The following SLC22A16 variants were observed in gnomAD, a reference collection of about 807,000 sequenced individuals.
The protein encoded by SLC22A16 is solute carrier family 22 member 16.
A neutral mutation model predicts 52.9 loss-of-function variants in SLC22A16; 53 were observed. The ratio of observed to expected loss-of-function variants is 1.00; its 90% CI spans 0.80 to 1.26. The LOEUF (loss-of-function observed/expected upper bound fraction) is 1.26, where lower values mean the gene tolerates loss of function less well. Among genes scored for constraint, SLC22A16 ranks in the 50% most tolerant of loss-of-function variants. The pLI is 0.00. For synonymous variants in SLC22A16, 291 were observed against 268.8 expected (o/e 1.08, Z -0.81); for missense variants, 726 against 704.0 (o/e 1.03, Z -0.35).
chr6:110,454,030 T>TAA (rs1775486025), intron 2 of SLC22A16, among the ~76,000 whole-genome samples: 1 of 152,182 alleles, frequency 6.6e-6, no homozygotes, highest in African/African-American at 2.4e-5. Flanking sequence ...CTCACTGCCA[T>TAA]GAGAACAGCA....
chr6:110,451,784 A>AT (rs1006374939), intron 2 of SLC22A16, among the ~76,000 whole-genome samples: 9 of 152,052 alleles, frequency 5.9e-5, no homozygotes, highest in African/African-American at 1.9e-4. Flanking sequence ...AAATTTATCC[A>AT]TTTTTTCTTT....
rs532431785 is a variant in SLC22A16 at position 110,438,236 on chromosome 6, G to C, written c.1311+484C>G. 2.6e-5 allele frequency among the ~76,000 whole-genome samples: 4 copies of C among 152,358 alleles called. 1 individual carries two copies. The South Asian group carries it at 8.3e-4, about 32-fold the overall frequency. On this transcript the variant is annotated intron_variant, in intron 5 of 7. Transcript: ENST00000368919. ...ATGTTCAGTATGATGATGCTGGAAG[G>C]TGTGATCGACTTTCCTCACACAAGA...
At chr6:110,445,642 C>G (rs751970498) in intron 3 of SLC22A16, among the ~76,000 whole-genome samples, 1 of 152,166 alleles carries the variant, frequency 6.6e-6, no homozygotes, top group Non-Finnish European at 1.5e-5. Context: ...TGGGTGTGGC[C>G]TTGTTTCCTT....
intron 3 of SLC22A16, among the ~76,000 whole-genome samples, chr6:110,444,101 T>A (rs1288422268): frequency 6.6e-6 from 1 of 152,172 alleles, no homozygotes; most frequent in East Asian, 1.9e-4. Flanking sequence ...CACTTAAAAA[T>A]GGTTAGGATG....
At chr6:110,427,885 C>T (rs776653665) in intron 7 of SLC22A16, among the ~76,000 whole-genome samples, 8 of 152,204 alleles carry the variant, frequency 5.3e-5, no homozygotes, top group Non-Finnish European at 1.0e-4. Flanking sequence ...CCCTTCTCTT[C>T]GGGACTGGTG....
chr6:110,472,947 G>A (rs1776309662), intron 1 of SLC22A16, among the ~76,000 whole-genome samples: 1 of 152,146 alleles, frequency 6.6e-6, no homozygotes, highest in African/African-American at 2.4e-5. Context: ...AAGCATAACT[G>A]GTGGAGTCCA....
chr6:110,443,668 C>G (rs1266433967), intron 3 of SLC22A16, among the ~76,000 whole-genome samples: 1 of 152,138 alleles, frequency 6.6e-6, no homozygotes, highest in East Asian at 1.9e-4. Context: ...TCCAGCAATT[C>G]CACCTTTGAG....
chr6:110,427,270 A>AAAAG (rs142029320), intron 7 of SLC22A16, among the ~76,000 whole-genome samples: 6,874 of 139,148 alleles, frequency 0.049, 475 homozygotes, highest in African/African-American at 0.16. Context: ...AAAAAGAAAA[A>AAAAG]AAAGAAAGAA....
Position 110,460,467 on chromosome 6 carries a change from C to T in SLC22A16, c.54-3450G>A, listed in dbSNP as rs1775826348. The stretch of plus-strand genomic sequence containing the variant: ...GGCCCCTGGGGAGCCTGGAGTCTTA[C>T]AGAAAGGGTGGATAGGGGTGCATCC... On this transcript the variant is annotated intron_variant, in intron 1 of 7. Coordinates refer to ENST00000368919, the MANE Select transcript of SLC22A16 (RefSeq NM_033125.4). 1.3e-5 allele frequency among the ~76,000 whole-genome samples: 2 copies of T among 152,084 alleles called. 1 individual carries two copies. Among genetic ancestry groups the T allele is most frequent in the South Asian group, 4.1e-4 (2 of 4,830 alleles).
rs750711233 is a variant in SLC22A16 at position 110,456,683 on chromosome 6, T to C, written c.388A>G (p.Ile130Val). 2.5e-6 allele frequency: 4 copies of C among 1,614,186 alleles called. No individual in the cohort carries two copies. The East Asian group carries it at 8.9e-5, about 36-fold the overall frequency. ...CTTTTCCATGTGTTCTGGTCATATA[T>C]GTAGCCATCCACACAAGGAAACTCT... ...KKEFPCVDGY[I>V]YDQNTWKSTA... is the part of the protein sequence containing the mutation. Residue 130 changes from isoleucine to valine, a missense_variant, in exon 2 of 8, where the codon ATA (isoleucine) becomes GTA (valine). Coordinates refer to ENST00000368919, the MANE Select transcript of SLC22A16 (RefSeq NM_033125.4).
At chr6:110,431,746 T>A (rs1774515441) in intron 6 of SLC22A16, among the ~76,000 whole-genome samples, 1 of 152,208 alleles carries the variant, frequency 6.6e-6, no homozygotes, top group African/African-American at 2.4e-5. Context: ...TTACTTAAAT[T>A]TTTCAAGAAT....
At position 110,446,856 on chromosome 6, in the gene SLC22A16, T is replaced by C. The variant is rs1406482059; in HGVS notation, c.651+17A>G. On this transcript the variant is annotated intron_variant, in intron 3 of 7. Transcript: ENST00000368919. ...AAAAACTGCAGCAGAATTAAAGAAG[T>C]AAAAAACACAACTCACCATGGCAAG... The C allele has an allele frequency of 6.3e-7, 1 of 1,592,574 alleles. No homozygotes were observed. Among genetic ancestry groups the C allele is most frequent in the Admixed American group, 1.8e-5 (1 of 55,412 alleles).
At chr6:110,445,433 G>C (rs552582396) in intron 3 of SLC22A16, among the ~76,000 whole-genome samples, 3 of 152,098 alleles carry the variant, frequency 2.0e-5, no homozygotes, top group Non-Finnish European at 4.4e-5. Flanking sequence ...TCAACGTCTT[G>C]CCTTTCCTAC....
intron 3 of SLC22A16, 95 bp from the exon 4 acceptor site, chr6:110,442,870 A>C: frequency 8.8e-7 from 1 of 1,133,232 alleles, no homozygotes; most frequent in Non-Finnish European, 1.2e-6. Flanking sequence ...GCAAAAAAGA[A>C]AATGACAAAG....
chr6:110,476,209 GATCTCCAGCCA>G (rs199541967), intron 1 of SLC22A16: 597,876 of 711,300 alleles, frequency 0.84, 254,536 homozygotes, highest in Middle Eastern at 0.88. Flanking sequence ...CCTCGAGCCA[GATCTCCAGCCA>G]GATGCCTCCA....
At chr6:110,459,591 A>G (rs1317849167) in intron 1 of SLC22A16, among the ~76,000 whole-genome samples, 1 of 152,216 alleles carries the variant, frequency 6.6e-6, no homozygotes, top group East Asian at 1.9e-4. Context: ...ATCCCGGAAC[A>G]GGAAGAGGAC....
In SLC22A16 at chr6:110,456,772, C is replaced by T; in HGVS notation, c.299G>A (p.Arg100Lys). 1 of 1,614,162 alleles carries T rather than the reference C, an allele frequency of 6.2e-7. No individual in the cohort carries two copies. Among genetic ancestry groups the T allele is most frequent in the Non-Finnish European group, 8.5e-7 (1 of 1,180,028 alleles). Residue 100 changes from arginine (R) to lysine (K), a missense_variant, in exon 2 of 8, where the codon AGG (arginine) becomes AAG (lysine). Transcript: ENST00000368919. ...LQNGEIWELS[R>K]CSRNKRENTS... ...GTTCTCCCTCTTATTCCTGCTACAC[C>T]TTGAGAGCTCCCAGATCTCACCATT...
intron 4 of SLC22A16, 112 bp downstream of exon 4, chr6:110,442,132 A>T: frequency 1.0e-6 from 1 of 991,884 alleles, no homozygotes. Context: ...CTGGTTTTAA[A>T]GGGCCTATTA....
chr6:110,430,877 G>C (rs1774470025), intron 7 of SLC22A16, among the ~76,000 whole-genome samples: 2 of 152,222 alleles, frequency 1.3e-5, no homozygotes, highest in South Asian at 4.1e-4. Context: ...ACAGAGACCA[G>C]AGCTCTCCCT....
Sources: gnomAD v4.1 joint callset for allele counts (sites outside exome capture counted in the v4.1 genomes callset) on GRCh38, gnomAD v4.1.1 for gene constraint, MANE v1.5 for transcripts, NCBI Gene and HGNC (gene_info 2026-07-23, HGNC 2026-07-21) for gene names.